The following ATP8A2 variants were observed in gnomAD, a reference collection of about 807,000 sequenced individuals.
ATP8A2 encodes phospholipid-transporting ATPase IB.
ATP8A2 carries 100 observed loss-of-function variants against 165.6 expected under a neutral mutation model. That is an observed-to-expected ratio of 0.60 (90% CI 0.51 to 0.71). The LOEUF (loss-of-function observed/expected upper bound fraction) is 0.71. Among genes scored for constraint, ATP8A2 ranks in the 30% least tolerant of loss-of-function variants. The pLI is 0.00. For missense variants in ATP8A2, 1,227 were observed against 1,479.5 expected (o/e 0.83, Z 2.80); for synonymous variants, 543 against 548.8 (o/e 0.99, Z 0.15).
chr13:25,660,588 C>G (rs1181769240), intron 24 of ATP8A2, among the ~76,000 whole-genome samples: 3 of 151,338 alleles, frequency 2.0e-5, no homozygotes, highest in Non-Finnish European at 4.4e-5. Context: ...AAACCTAAAA[C>G]AAACATAAAA....
intron 10 of ATP8A2, among the ~76,000 whole-genome samples, chr13:25,548,507 A>G (rs1359721961): frequency 6.6e-6 from 1 of 152,240 alleles, no homozygotes; most frequent in African/African-American, 2.4e-5. Flanking sequence ...CTGTACATTT[A>G]GTGAATATTT....
intron 26 of ATP8A2, among the ~76,000 whole-genome samples, chr13:25,773,593 A>G (rs2044674629): frequency 6.6e-6 from 1 of 152,200 alleles, no homozygotes; most frequent in Non-Finnish European, 1.5e-5. Context: ...GGGACCCACC[A>G]GCAGCCCCTG....
chr13:25,944,049 TAA>T lies in ATP8A2; in HGVS notation c.3184-17524_3184-17523del, dbSNP rs529637864. 3.7e-3 allele frequency among the ~76,000 whole-genome samples: 558 copies of T among 152,380 alleles called. 5 individuals are homozygous for T. Among genetic ancestry groups the T allele is most frequent in the African/African-American group, 0.012 (519 of 41,592 alleles). ...AGTAAAATAATTAATTTATGTATGG[TAA>T]AGTCAGACTAGGATTACTGGGCTAA... On this transcript the variant is annotated intron_variant, in intron 33 of 36. Transcript: ENST00000381655.
chr13:25,870,505 A>C (rs1284944157), intron 33 of ATP8A2, among the ~76,000 whole-genome samples: 2 of 152,134 alleles, frequency 1.3e-5, no homozygotes, highest in African/African-American at 4.8e-5. Flanking sequence ...ATTACTACAT[A>C]TCAGACAAAA....
chr13:25,800,555 C>T (rs531749384), intron 27 of ATP8A2, among the ~76,000 whole-genome samples: 1 of 152,132 alleles, frequency 6.6e-6, no homozygotes, highest in African/African-American at 2.4e-5. Context: ...AGTAGTGTGG[C>T]AGGCTCCTGG....
At chr13:25,862,476 G>T (rs1952388150) in intron 33 of ATP8A2, 68 bp downstream of exon 33, 27 of 1,220,038 alleles carry the variant, frequency 2.2e-5, no homozygotes, top group Non-Finnish European at 2.4e-6. Context: ...ATGGGCGGGT[G>T]AGCAGGCACT....
intron 14 of ATP8A2, 79 bp downstream of exon 14, chr13:25,559,140 A>G (rs1357790777): frequency 1.0e-6 from 1 of 953,998 alleles, no homozygotes; most frequent in Admixed American, 2.1e-5. Context: ...ACTTAGTCAA[A>G]TATCTTGACT....
intron 30 of ATP8A2, among the ~76,000 whole-genome samples, chr13:25,849,604 C>T (rs1951957771): frequency 6.6e-6 from 1 of 152,166 alleles, no homozygotes; most frequent in Admixed American, 6.5e-5. Flanking sequence ...ACAACATTTT[C>T]GGGCTGTTAC....
At chr13:25,652,137 G>A (rs896147676) in intron 24 of ATP8A2, among the ~76,000 whole-genome samples, 3 of 152,020 alleles carry the variant, frequency 2.0e-5, no homozygotes, top group East Asian at 1.9e-4. Context: ...GTTCCCTTCC[G>A]CACTCACTAA....
intron 24 of ATP8A2, among the ~76,000 whole-genome samples, chr13:25,662,718 T>A (rs1352031223): frequency 6.6e-6 from 1 of 152,182 alleles, no homozygotes; most frequent in African/African-American, 2.4e-5. Context: ...ACATTGTTTT[T>A]AGGCTACAGA....
intron 35 of ATP8A2, among the ~76,000 whole-genome samples, chr13:26,011,167 C>T (rs561240377): frequency 1.2e-4 from 19 of 152,224 alleles, no homozygotes; most frequent in South Asian, 4.1e-4. Flanking sequence ...CCTGGGCTGC[C>T]GCAATAAAGT....
intron 2 of ATP8A2, among the ~76,000 whole-genome samples, chr13:25,486,101 G>A (rs2036343977): frequency 6.6e-6 from 1 of 152,180 alleles, no homozygotes; most frequent in South Asian, 2.1e-4. Flanking sequence ...CCTGTGTCTA[G>A]TTCACTTTCT....
intron 25 of ATP8A2, among the ~76,000 whole-genome samples, chr13:25,743,288 C>T (rs1213711453): frequency 6.6e-6 from 1 of 152,090 alleles, no homozygotes; most frequent in East Asian, 1.9e-4. Flanking sequence ...ATGTCTGGAG[C>T]AGATTCTTTT....
chr13:25,462,908 A>G (rs1007143041), intron 1 of ATP8A2, among the ~76,000 whole-genome samples: 2 of 152,118 alleles, frequency 1.3e-5, no homozygotes, highest in Non-Finnish European at 2.9e-5. Context: ...GACCAGACAT[A>G]TTATTGCACA....
At chr13:25,738,471 C>T (rs2043834964) in intron 25 of ATP8A2, among the ~76,000 whole-genome samples, 1 of 152,078 alleles carries the variant, frequency 6.6e-6, no homozygotes, top group Admixed American at 6.5e-5. Flanking sequence ...GCATGTGAAC[C>T]CAGCCAGTGG....
intron 27 of ATP8A2, among the ~76,000 whole-genome samples, chr13:25,823,447 C>T (rs768554460): frequency 4.6e-5 from 7 of 152,160 alleles, no homozygotes; most frequent in Non-Finnish European, 7.4e-5. Context: ...ATATAAGACA[C>T]GTGTTTAATA....
chr13:25,844,793 G>A (rs139830958), intron 30 of ATP8A2, among the ~76,000 whole-genome samples: 44 of 152,210 alleles, frequency 2.9e-4, no homozygotes, highest in Non-Finnish European at 4.9e-4. Context: ...TTTCCCACTT[G>A]ATACCTTATG....
intron 2 of ATP8A2, among the ~76,000 whole-genome samples, chr13:25,479,783 G>A (rs2137572312): frequency 6.6e-6 from 1 of 152,170 alleles, no homozygotes; most frequent in East Asian, 1.9e-4. Flanking sequence ...CACAGCACAT[G>A]TTTCAGAGAG....
At chr13:25,455,034 C>T (rs1048748735) in intron 1 of ATP8A2, among the ~76,000 whole-genome samples, 5 of 152,200 alleles carry the variant, frequency 3.3e-5, no homozygotes, top group Non-Finnish European at 2.9e-5. Context: ...GCTGGTGTTT[C>T]GCATTTTATA....
Sources: gnomAD v4.1 joint callset for allele counts (sites outside exome capture counted in the v4.1 genomes callset) on GRCh38, gnomAD v4.1.1 for gene constraint, MANE v1.5 for transcripts, NCBI Gene and HGNC (gene_info 2026-07-23, HGNC 2026-07-21) for gene names.